CSMD1: variants seen among roughly 807,000 people sequenced by gnomAD.
The protein encoded by CSMD1 is CUB and sushi domain-containing protein 1.
A neutral mutation model predicts 417.5 loss-of-function variants in CSMD1; 213 were observed. That is an observed-to-expected ratio of 0.51 (90% confidence interval 0.46 to 0.57). CSMD1 has a LOEUF of 0.57. CSMD1 is among the 20% of genes least tolerant of loss of function. The pLI is 0.00. For synonymous variants in CSMD1, 2,862 were observed against 1,736.8 expected (o/e 1.65, Z -16.11); for missense variants, 6,923 against 4,529.7 (o/e 1.53, Z -15.17).
chr8:3,734,890 C>G (rs1160079563), intron 6 of CSMD1, among the ~76,000 whole-genome samples: 3 of 152,138 alleles, frequency 2.0e-5, no homozygotes, highest in Non-Finnish European at 4.4e-5. Context: ...TGTACTGAAG[C>G]AATTTTCCGT....
intron 49 of CSMD1, among the ~76,000 whole-genome samples, chr8:3,060,381 T>TTGAACTCCTTGAACTCC (rs201773293): frequency 1.3e-5 from 2 of 151,926 alleles, no homozygotes; most frequent in Admixed American, 6.6e-5. Context: ...CCTGAACTCC[T>TTGAACTCCTTGAACTCC]TGAACTCCTT....
At chr8:4,782,514 C>G (rs1191584634) in intron 1 of CSMD1, among the ~76,000 whole-genome samples, 6 of 152,114 alleles carry the variant, frequency 3.9e-5, no homozygotes, top group Non-Finnish European at 8.8e-5. Context: ...TTTGGTCTAT[C>G]CATAGCAAAA....
intron 2 of CSMD1, among the ~76,000 whole-genome samples, chr8:4,544,763 A>G (rs1472524499): frequency 6.6e-6 from 1 of 152,152 alleles, no homozygotes; most frequent in African/African-American, 2.4e-5. Context: ...TCCATTTTTG[A>G]AGGGCAGCAC....
chr8:3,737,763 G>C (rs1796597758), intron 6 of CSMD1, among the ~76,000 whole-genome samples: 1 of 152,148 alleles, frequency 6.6e-6, no homozygotes, highest in African/African-American at 2.4e-5. Flanking sequence ...ATTCATTTAA[G>C]CTCCCATGAA....
chr8:4,274,464 C>G (rs767855417), intron 3 of CSMD1, among the ~76,000 whole-genome samples: 1 of 152,100 alleles, frequency 6.6e-6, no homozygotes. Context: ...TCAGCACAGT[C>G]GTAATGGCAT....
chr8:2,952,499 G>C (rs1270188192), intron 65 of CSMD1, among the ~76,000 whole-genome samples: 2 of 152,076 alleles, frequency 1.3e-5, no homozygotes, highest in Non-Finnish European at 1.5e-5. Flanking sequence ...CATAATAATA[G>C]TGATAATAAA....
chr8:4,066,149 G>C (rs937062895), intron 3 of CSMD1, among the ~76,000 whole-genome samples: 2 of 152,126 alleles, frequency 1.3e-5, no homozygotes, highest in Admixed American at 1.3e-4. Context: ...CTGTTTGGAA[G>C]ACTCACCCAT....
intron 5 of CSMD1, among the ~76,000 whole-genome samples, chr8:3,983,069 C>A (rs181683382): frequency 1.3e-5 from 2 of 151,976 alleles, no homozygotes; most frequent in Non-Finnish European, 2.9e-5. Context: ...TGACTCTTTT[C>A]CCCAGGAGCC....
chr8:4,576,074 C>T (rs949476772), intron 2 of CSMD1, among the ~76,000 whole-genome samples: 4 of 152,230 alleles, frequency 2.6e-5, no homozygotes, highest in African/African-American at 9.6e-5. Context: ...CACCAGTGCT[C>T]CACATGCCAG....
intron 10 of CSMD1, among the ~76,000 whole-genome samples, chr8:3,565,936 G>A (rs969964074): frequency 7.2e-5 from 11 of 152,010 alleles, no homozygotes; most frequent in Non-Finnish European, 1.0e-4. Flanking sequence ...TCCGTGATGC[G>A]GACCAATCTT....
chr8:3,025,867 A>T (rs1809832728), intron 51 of CSMD1, among the ~76,000 whole-genome samples: 1 of 152,234 alleles, frequency 6.6e-6, no homozygotes, highest in South Asian at 2.1e-4. Flanking sequence ...GTAAAATTGT[A>T]TCCGTTTTAG....
At chr8:4,893,391 A>T (rs1237196741) in intron 1 of CSMD1, among the ~76,000 whole-genome samples, 6 of 151,262 alleles carry the variant, frequency 4.0e-5, no homozygotes, top group Non-Finnish European at 8.8e-5. Flanking sequence ...TTAATACAGA[A>T]TTTTTTTTCT....
chr8:3,551,084 C>T (rs1176099463), intron 10 of CSMD1, among the ~76,000 whole-genome samples: 5 of 152,126 alleles, frequency 3.3e-5, no homozygotes. Context: ...CATGGCAGAA[C>T]AAGGTAGCAG....
At chr8:3,584,453 A>G (rs1039716872) in intron 9 of CSMD1, among the ~76,000 whole-genome samples, 1 of 152,172 alleles carries the variant, frequency 6.6e-6, no homozygotes. Flanking sequence ...AAGCGTGAGT[A>G]GCTGGGGGGT....
At chr8:4,841,115 A>G (rs1204627209) in intron 1 of CSMD1, among the ~76,000 whole-genome samples, 1 of 152,222 alleles carries the variant, frequency 6.6e-6, no homozygotes, top group African/African-American at 2.4e-5. Context: ...CTGCAGAAAC[A>G]ATTGGTATTA....
At chr8:4,860,257 G>A (rs1195464631) in intron 1 of CSMD1, among the ~76,000 whole-genome samples, 1 of 111,606 alleles carries the variant, frequency 9.0e-6, no homozygotes, top group Non-Finnish European at 1.7e-5. Flanking sequence ...TCAGGGGACT[G>A]TTGTGGGGTG....
intron 5 of CSMD1, among the ~76,000 whole-genome samples, chr8:3,838,036 A>G (rs556594519): frequency 1.2e-4 from 18 of 152,252 alleles, no homozygotes; most frequent in African/African-American, 4.1e-4. Context: ...ATAAATATGT[A>G]TGTATTGATT....
intron 5 of CSMD1, among the ~76,000 whole-genome samples, chr8:3,789,338 A>G (rs1394645669): frequency 2.7e-5 from 4 of 150,688 alleles, no homozygotes; most frequent in Non-Finnish European, 5.9e-5. Context: ...AATACAGAGA[A>G]TAATGTAACT....
At chr8:4,218,366 C>G (rs796550133) in intron 3 of CSMD1, among the ~76,000 whole-genome samples, 2 of 152,258 alleles carry the variant, frequency 1.3e-5, no homozygotes, top group African/African-American at 2.4e-5. Flanking sequence ...TTGGTCATTT[C>G]TAATGATTTT....
Sources: allele counts gnomAD v4.1 joint callset (sites outside exome capture counted in the v4.1 genomes callset), GRCh38; gene constraint gnomAD v4.1.1; transcripts MANE v1.5; gene names NCBI Gene and HGNC (gene_info 2026-07-23, HGNC 2026-07-21).